Variants in ELFN2 observed in about 807,000 individuals in gnomAD.
ELFN2 encodes extracellular leucine rich repeat and fibronectin type III domain containing 2.
In ELFN2, 17 loss-of-function variants were observed where a neutral mutation model predicts 45.5. That is an observed-to-expected ratio of 0.37 (90% CI 0.26 to 0.56). ELFN2 has a LOEUF of 0.56. Among genes scored for constraint, ELFN2 ranks in the 20% least tolerant of loss-of-function variants. ELFN2 has a pLI of 0.77. For missense variants in ELFN2, 922 were observed against 1,183.2 expected, an observed-to-expected ratio of 0.78 and a Z score of 3.24; for synonymous variants, 550 against 551.5, an observed-to-expected ratio of 1.00 and a Z score of 0.04.
At chr22:37,342,028 G>A (rs375119306) in intron 2 of ELFN2, among the ~76,000 whole-genome samples, 3 of 109,808 alleles carry the variant, frequency 2.7e-5, no homozygotes, top group Non-Finnish European at 6.1e-5. Flanking sequence ...ACAGGCACAG[G>A]GGTGGCCTGC....
At chr22:37,401,585 G>A (rs182069031) in intron 2 of ELFN2, among the ~76,000 whole-genome samples, 5 of 152,314 alleles carry the variant, frequency 3.3e-5, no homozygotes, top group African/African-American at 7.2e-5. Context: ...CAGGAAACAC[G>A]GCCCCAGCTG....
intron 1 of ELFN2, among the ~76,000 whole-genome samples, chr22:37,426,462 G>C (rs1932850571): frequency 6.6e-6 from 1 of 151,862 alleles, no homozygotes; most frequent in African/African-American, 2.4e-5. Flanking sequence ...TACAGACAGA[G>C]AGCAGGGTCC....
intron 1 of ELFN2, among the ~76,000 whole-genome samples, chr22:37,425,502 C>T (rs900150930): frequency 1.3e-5 from 2 of 152,182 alleles, no homozygotes; most frequent in Non-Finnish European, 2.9e-5. Flanking sequence ...GCCACACACA[C>T]TCCCGTGACA....
intron 2 of ELFN2, among the ~76,000 whole-genome samples, chr22:37,412,011 G>A (rs114275435): frequency 0.026 from 3,997 of 151,718 alleles, 200 homozygotes; most frequent in African/African-American, 0.093. Flanking sequence ...TGGAACCTCC[G>A]CTCAGAGGAC....
At chr22:37,421,535 C>G (rs1932808870) in intron 1 of ELFN2, among the ~76,000 whole-genome samples, 1 of 152,186 alleles carries the variant, frequency 6.6e-6, no homozygotes, top group African/African-American at 2.4e-5. Context: ...AGACCCCATG[C>G]TGGGCACTTG....
chr22:37,377,545 A>G (rs1162827209), intron 2 of ELFN2, among the ~76,000 whole-genome samples: 1 of 152,246 alleles, frequency 6.6e-6, no homozygotes, highest in African/African-American at 2.4e-5. Flanking sequence ...TGAGCCCCAG[A>G]GGGCTGGAAC....
chr22:37,401,105 G>T (rs1932351462), intron 2 of ELFN2, among the ~76,000 whole-genome samples: 1 of 152,186 alleles, frequency 6.6e-6, no homozygotes, highest in Non-Finnish European at 1.5e-5. Context: ...AACATGCGGG[G>T]GCCGTGGGGC....
At chr22:37,389,005 C>T (rs950549447) in intron 2 of ELFN2, among the ~76,000 whole-genome samples, 2 of 152,204 alleles carry the variant, frequency 1.3e-5, no homozygotes, top group Non-Finnish European at 2.9e-5. Flanking sequence ...GTGGGAGAAG[C>T]ATGCGGGGCT....
At chr22:37,407,234 G>A (rs1402253155) in intron 2 of ELFN2, among the ~76,000 whole-genome samples, 4 of 152,196 alleles carry the variant, frequency 2.6e-5, no homozygotes, top group African/African-American at 9.7e-5. Flanking sequence ...TCAGGCTCTG[G>A]GAAAGTCCTT....
At position 37,373,546 on chromosome 22, in the gene ELFN2, G is replaced by A; in HGVS notation, c.1989C>T (p.Tyr663=). Residue 663 remains tyrosine (Y), a synonymous_variant, in exon 3 of 3, where the codon TAC becomes TAT. Transcript: ENST00000402918. ...ATGLAKGDSK[Y]IEKGSPLNSP... is the part of the protein sequence containing the mutation. ...TGTTGAGGGGGCTGCCCTTCTCGAT[G>A]TACTTGGAGTCGCCCTTAGCCAGCC... The A allele has an allele frequency of 6.3e-7, 1 of 1,593,588 alleles. No homozygotes were observed. Among genetic ancestry groups the A allele is most frequent in the Non-Finnish European group, 8.5e-7 (1 of 1,171,844 alleles).
chr22:37,403,127 T>C (rs1216409036), intron 2 of ELFN2, among the ~76,000 whole-genome samples: 1 of 151,952 alleles, frequency 6.6e-6, no homozygotes, highest in Non-Finnish European at 1.5e-5. Context: ...GCCACTTTCA[T>C]TCTTCCCTCT....
Position 37,349,365 on chromosome 22 carries a change from G to A in ELFN2, n.149-6662C>T, listed in dbSNP as rs369458564. On this transcript the variant is annotated intron_variant and non_coding_transcript_variant, in intron 1 of 2. Transcript: ENST00000452946. ...ACAAGGCCCAGCCCTGGGGATCCAC[G>A]GTGCCCCCGGCCCAGATTCCCTGCA... 5.3e-5 allele frequency among the ~76,000 whole-genome samples: 8 copies of A among 151,198 alleles called. 1 individual carries two copies. Among genetic ancestry groups the A allele is most frequent in the Non-Finnish European group, 1.2e-4 (8 of 67,344 alleles).
chr22:37,395,878 C>A (rs1285322921), intron 2 of ELFN2, among the ~76,000 whole-genome samples: 1 of 152,152 alleles, frequency 6.6e-6, no homozygotes, highest in Non-Finnish European at 1.5e-5. Flanking sequence ...AAGCAGGGTG[C>A]AGGTCCCTGT....
At chr22:37,414,415 G>A (rs1176194332) in intron 2 of ELFN2, among the ~76,000 whole-genome samples, 1 of 152,142 alleles carries the variant, frequency 6.6e-6, no homozygotes, top group Non-Finnish European at 1.5e-5. Flanking sequence ...AAGGTCAAAG[G>A]CCAGTGAATC....
intron 2 of ELFN2, among the ~76,000 whole-genome samples, chr22:37,393,597 G>A (rs1302531312): frequency 2.0e-5 from 3 of 152,180 alleles, no homozygotes; most frequent in East Asian, 1.9e-4. Flanking sequence ...CAGGCCTTGC[G>A]CTAAGTCCCA....
At chr22:37,389,431 A>G (rs1932037356) in intron 2 of ELFN2, among the ~76,000 whole-genome samples, 2 of 151,944 alleles carry the variant, frequency 1.3e-5, no homozygotes. Context: ...GCTGGTACTA[A>G]CCCTGGGACC....
At position 37,392,541 on chromosome 22, in the gene ELFN2, A is replaced by G. The variant is rs570614556; in HGVS notation, c.-462-16545T>C. On this transcript the variant is annotated intron_variant, in intron 2 of 2. Coordinates refer to ENST00000402918, the MANE Select transcript of ELFN2 (RefSeq NM_052906.5). The stretch of plus-strand genomic sequence containing the variant: ...CACCATGTTAGCCAGGATGGTCTCG[A>G]TCTCCTGACCTCGTGATCCACCCGC... 5.3e-5 allele frequency among the ~76,000 whole-genome samples: 8 copies of G among 152,166 alleles called. No homozygotes were observed. The South Asian group carries it at 1.7e-3, about 32-fold the overall frequency.
chr22:37,415,137 C>T (rs1046564892), intron 2 of ELFN2, among the ~76,000 whole-genome samples: 2 of 152,210 alleles, frequency 1.3e-5, no homozygotes, highest in Admixed American at 6.5e-5. Context: ...GACAGTTACC[C>T]GTCACTTCCC....
At chr22:37,386,922 T>C (rs1024245113) in intron 2 of ELFN2, among the ~76,000 whole-genome samples, 1 of 152,148 alleles carries the variant, frequency 6.6e-6, no homozygotes, top group African/African-American at 2.4e-5. Flanking sequence ...TTTCCTCTTC[T>C]GTAAAGTGGG....
Sources: gnomAD v4.1 joint callset for allele counts (sites outside exome capture counted in the v4.1 genomes callset) on GRCh38, gnomAD v4.1.1 for gene constraint, MANE v1.5 for transcripts, NCBI Gene and HGNC (gene_info 2026-07-23, HGNC 2026-07-21) for gene names.